SLC9A9: variants seen among roughly 807,000 people sequenced by gnomAD.
SLC9A9 encodes solute carrier family 9 member A9, also known as sodium/hydrogen exchanger 9.
SLC9A9 carries 62 observed loss-of-function variants against 77.8 expected under a neutral mutation model. The ratio of observed to expected loss-of-function variants is 0.80; its 90% CI spans 0.65 to 0.98. SLC9A9 has a LOEUF of 0.98. Among genes scored for constraint, SLC9A9 ranks in the 50% least tolerant of loss-of-function variants. SLC9A9 has a pLI of 0.00. For synonymous variants in SLC9A9, 320 were observed against 283.5 expected, an observed-to-expected ratio of 1.13 and a Z score of -1.29; for missense variants, 775 against 774.9, an observed-to-expected ratio of 1.00 and a Z score of 0.00.
intron 4 of SLC9A9, among the ~76,000 whole-genome samples, chr3:143,740,166 C>T (rs1207976857): frequency 1.3e-5 from 2 of 152,128 alleles, no homozygotes; most frequent in African/African-American, 4.8e-5. Flanking sequence ...TATGGATTAA[C>T]TGTTGCTTCA....
chr3:143,512,106 A>G (rs2036125913), intron 9 of SLC9A9, among the ~76,000 whole-genome samples: 1 of 152,216 alleles, frequency 6.6e-6, no homozygotes, highest in African/African-American at 2.4e-5. Flanking sequence ...ACCTCAACTC[A>G]CAGCAGAGAA....
chr3:143,610,274 C>T lies in SLC9A9; in HGVS notation c.756-31551G>A, dbSNP rs112861022. Among the ~76,000 whole-genome samples the T allele has an allele frequency of 6.7e-3, 1,022 of 152,124 alleles. 14 individuals are homozygous for T. Among genetic ancestry groups the T allele is most frequent in the African/African-American group, 0.022 (927 of 41,490 alleles). ...AGCAATCCTCCCACCTCAGGCTCCC[C>T]ATTAGCTGGGACTACAAGCATGCCA... is the stretch of plus-strand genomic sequence containing the variant. On this transcript the variant is annotated intron_variant, in intron 6 of 15. Coordinates refer to ENST00000316549, the MANE Select transcript of SLC9A9 (RefSeq NM_173653.4).
At chr3:143,791,336 TAA>T (rs1228099525) in intron 4 of SLC9A9, among the ~76,000 whole-genome samples, 1 of 152,188 alleles carries the variant, frequency 6.6e-6, no homozygotes, top group African/African-American at 2.4e-5. Context: ...TAATAAAACT[TAA>T]AGACCTTGTT....
chr3:143,318,043 C>T (rs1306310387), intron 14 of SLC9A9, among the ~76,000 whole-genome samples: 2 of 152,178 alleles, frequency 1.3e-5, no homozygotes, highest in Non-Finnish European at 2.9e-5. Flanking sequence ...TCTTCCTTCT[C>T]TCCCCATCCC....
At chr3:143,669,629 C>T (rs541851527) in intron 5 of SLC9A9, among the ~76,000 whole-genome samples, 3 of 152,150 alleles carry the variant, frequency 2.0e-5, no homozygotes, top group Non-Finnish European at 2.9e-5. Context: ...GACCTTTGTG[C>T]CAAGACCTTG....
intron 8 of SLC9A9, among the ~76,000 whole-genome samples, chr3:143,560,880 T>G (rs2037073047): frequency 6.6e-6 from 1 of 152,230 alleles, no homozygotes; most frequent in African/African-American, 2.4e-5. Context: ...TGCATTTTTC[T>G]AATTAAAATT....
intron 14 of SLC9A9, among the ~76,000 whole-genome samples, chr3:143,337,414 A>G (rs1576433075): frequency 6.6e-6 from 1 of 152,244 alleles, no homozygotes; most frequent in African/African-American, 2.4e-5. Context: ...GCCTACTTCC[A>G]AAGAGTTAAG....
At chr3:143,814,865 C>G (rs996734818) in intron 2 of SLC9A9, among the ~76,000 whole-genome samples, 2 of 152,082 alleles carry the variant, frequency 1.3e-5, no homozygotes, top group Non-Finnish European at 2.9e-5. Flanking sequence ...TTCTGACTGC[C>G]TTACACCAAG....
chr3:143,422,359 C>A (rs147606342), intron 12 of SLC9A9, among the ~76,000 whole-genome samples: 5,979 of 152,272 alleles, frequency 0.039, 408 homozygotes, highest in African/African-American at 0.14. Context: ...AGGTGCCCAT[C>A]AACGGTGGAT....
intron 5 of SLC9A9, among the ~76,000 whole-genome samples, chr3:143,657,851 T>A (rs2108753549): frequency 6.6e-6 from 1 of 152,306 alleles, no homozygotes; most frequent in African/African-American, 2.4e-5. Flanking sequence ...ATTTCTAATA[T>A]GGTAAATTTT....
At chr3:143,560,918 C>T (rs761766779) in intron 8 of SLC9A9, among the ~76,000 whole-genome samples, 4 of 152,210 alleles carry the variant, frequency 2.6e-5, no homozygotes, top group East Asian at 1.9e-4. Context: ...CGGTGGCTCA[C>T]GCCTGTAATC....
At chr3:143,366,318 C>G (rs1253767985) in intron 13 of SLC9A9, among the ~76,000 whole-genome samples, 2 of 152,156 alleles carry the variant, frequency 1.3e-5, no homozygotes, top group Admixed American at 1.3e-4. Context: ...TGCATTGTAC[C>G]TATTTTGCAC....
intron 14 of SLC9A9, among the ~76,000 whole-genome samples, chr3:143,312,773 T>C (rs973295074): frequency 7.2e-5 from 11 of 152,198 alleles, no homozygotes; most frequent in African/African-American, 2.4e-4. Flanking sequence ...TGTCAGTCAT[T>C]TGAGGACCGA....
At chr3:143,715,035 G>T (rs910743522) in intron 4 of SLC9A9, among the ~76,000 whole-genome samples, 2 of 152,210 alleles carry the variant, frequency 1.3e-5, no homozygotes, top group Admixed American at 1.3e-4. Context: ...TGTCATCCGT[G>T]TAAGACGTGA....
At chr3:143,492,249 A>G (rs838607) in intron 11 of SLC9A9, among the ~76,000 whole-genome samples, 88,598 of 148,700 alleles carry the variant, frequency 0.6, 26,487 homozygotes, top group African/African-American at 0.63. Context: ...CCGAGATCAC[A>G]CCACTGCACT....
chr3:143,593,456 T>A (rs1431637274), intron 6 of SLC9A9, among the ~76,000 whole-genome samples: 1 of 152,226 alleles, frequency 6.6e-6, no homozygotes, highest in Non-Finnish European at 1.5e-5. Context: ...CAGTGTCTCC[T>A]CTGGATTAAG....
At chr3:143,382,599 A>T (rs550965379) in intron 12 of SLC9A9, among the ~76,000 whole-genome samples, 4 of 152,342 alleles carry the variant, frequency 2.6e-5, no homozygotes, top group Non-Finnish European at 5.9e-5. Context: ...TGAGGCATAT[A>T]CAATTTGGGG....
chr3:143,638,684 G>A (rs1420398360), intron 6 of SLC9A9, among the ~76,000 whole-genome samples: 1 of 152,202 alleles, frequency 6.6e-6, no homozygotes, highest in Non-Finnish European at 1.5e-5. Context: ...GGCATTCAAA[G>A]ACAGTTCATT....
At chr3:143,268,196 T>C (rs1022839274) in intron 15 of SLC9A9, among the ~76,000 whole-genome samples, 2 of 152,176 alleles carry the variant, frequency 1.3e-5, no homozygotes, top group Non-Finnish European at 2.9e-5. Context: ...TGACCTCTGA[T>C]TTGTGAGTAA....
Sources: gnomAD v4.1 joint callset for allele counts (sites outside exome capture counted in the v4.1 genomes callset) on GRCh38, gnomAD v4.1.1 for gene constraint, MANE v1.5 for transcripts, NCBI Gene and HGNC (gene_info 2026-07-23, HGNC 2026-07-21) for gene names.